Variants in SAMD4A observed in about 807,000 individuals in gnomAD.
SAMD4A encodes sterile alpha motif domain containing 4A.
Under a neutral mutation model 81.3 loss-of-function variants are expected in SAMD4A, and 33 were observed. The ratio of observed to expected loss-of-function variants is 0.41; its 90% CI spans 0.31 to 0.54. The LOEUF (loss-of-function observed/expected upper bound fraction) is 0.54, where lower values mean the gene tolerates loss of function less well. Among genes scored for constraint, SAMD4A ranks in the 20% least tolerant of loss-of-function variants. The pLI, the probability that SAMD4A is intolerant of heterozygous loss-of-function variation, is 0.37. For synonymous variants in SAMD4A, 389 were observed against 382.1 expected, an observed-to-expected ratio of 1.02 and a Z score of -0.21; for missense variants, 854 against 951.1, an observed-to-expected ratio of 0.90 and a Z score of 1.34.
intron 2 of SAMD4A, chr14:54,694,540 A>G (rs938306047): frequency 2.7e-6 from 2 of 734,742 alleles, no homozygotes; most frequent in African/African-American, 3.8e-5. Flanking sequence ...GTGAGCATGG[A>G]GAGGGTGCAG....
intron 2 of SAMD4A, among the ~76,000 whole-genome samples, chr14:54,669,095 G>A (rs557426841): frequency 7.9e-5 from 12 of 152,248 alleles, no homozygotes; most frequent in Non-Finnish European, 1.8e-4. Flanking sequence ...CCATTCGTGG[G>A]AGAAGGAGGC....
At chr14:54,725,459 A>G (rs892156596) in intron 3 of SAMD4A, among the ~76,000 whole-genome samples, 3 of 152,252 alleles carry the variant, frequency 2.0e-5, no homozygotes, top group Non-Finnish European at 4.4e-5. Flanking sequence ...TGAAAGAGCA[A>G]GGTGAAGTTT....
rs1275226410 is a variant in SAMD4A, at chr14:54,735,679, GAC to G, written c.716-1340_716-1339del. Among the ~76,000 whole-genome samples the G allele has an allele frequency of 2.0e-5, 3 of 152,170 alleles. No homozygotes were observed. In the East Asian group the frequency reaches 5.8e-4, roughly 29 times the overall value. ...GCTTACCCAGCCCACTACTGCCCCA[GAC>G]ACACTTTCTGGAAACATCCAGCCTT... On this transcript the variant is annotated intron_variant, in intron 3 of 12. Coordinates refer to ENST00000554335, the MANE Select transcript of SAMD4A (RefSeq NM_015589.6).
chr14:54,596,540 A>G (rs889331349), intron 2 of SAMD4A, among the ~76,000 whole-genome samples: 1 of 152,218 alleles, frequency 6.6e-6, no homozygotes, highest in African/African-American at 2.4e-5. Context: ...AGCCGAGATC[A>G]TGCCACTGCA....
At chr14:54,672,064 G>T (rs2035896170) in intron 2 of SAMD4A, among the ~76,000 whole-genome samples, 2 of 131,380 alleles carry the variant, frequency 1.5e-5, no homozygotes, top group African/African-American at 5.7e-5. Flanking sequence ...CAGCCATTCT[G>T]CTTTGGAATT....
intron 2 of SAMD4A, among the ~76,000 whole-genome samples, chr14:54,695,486 A>G (rs1302265458): frequency 6.6e-6 from 1 of 152,246 alleles, no homozygotes; most frequent in African/African-American, 2.4e-5. Flanking sequence ...CAAGACAGCA[A>G]GGTAGAAGCT....
At chr14:54,577,516 G>T (rs2033337526) in intron 2 of SAMD4A, among the ~76,000 whole-genome samples, 1 of 152,210 alleles carries the variant, frequency 6.6e-6, no homozygotes, top group African/African-American at 2.4e-5. Flanking sequence ...CCCTACATTG[G>T]CATCCCCTAA....
At chr14:54,768,953 G>A (rs2038630982) in intron 8 of SAMD4A, among the ~76,000 whole-genome samples, 1 of 152,132 alleles carries the variant, frequency 6.6e-6, no homozygotes, top group South Asian at 2.1e-4. Context: ...TTTCCTTTAT[G>A]GGAACTAGTC....
rs34133393 is a variant in SAMD4A at position 54,737,708 on chromosome 14, AT to A, written c.979+432del. Among the ~76,000 whole-genome samples, 318 of 147,924 alleles carry A rather than the reference AT, an allele frequency of 2.1e-3. 2 individuals are homozygous for A. Among genetic ancestry groups the A allele is most frequent in the African/African-American group, 6.7e-3 (268 of 40,266 alleles). On this transcript the variant is annotated intron_variant, in intron 4 of 12. Coordinates refer to ENST00000554335, the MANE Select transcript of SAMD4A (RefSeq NM_015589.6). ...GTAATTCAGAAAAACAAACCACGGG[AT>A]TTTTTTTTTTCCTTTATAAGTCTAT... is the stretch of plus-strand genomic sequence containing the variant.
chr14:54,630,816 T>C (rs1428784497), intron 2 of SAMD4A, among the ~76,000 whole-genome samples: 1 of 152,110 alleles, frequency 6.6e-6, no homozygotes, highest in African/African-American at 2.4e-5. Context: ...TGTATGCATA[T>C]ATGTGTATAT....
intron 2 of SAMD4A, among the ~76,000 whole-genome samples, chr14:54,660,647 G>T (rs899168773): frequency 6.6e-6 from 1 of 152,238 alleles, no homozygotes. Flanking sequence ...CTGTGCTCTG[G>T]ATGGAAGGAC....
At chr14:54,578,526 C>T (rs368759076) in intron 2 of SAMD4A, among the ~76,000 whole-genome samples, 71 of 151,820 alleles carry the variant, frequency 4.7e-4, no homozygotes, top group African/African-American at 1.5e-3. Context: ...GCTTGGCCAA[C>T]GTGGCGAAAC....
At chr14:54,604,737 C>G (rs971534692) in intron 2 of SAMD4A, among the ~76,000 whole-genome samples, 2 of 152,062 alleles carry the variant, frequency 1.3e-5, no homozygotes, top group African/African-American at 4.8e-5. Context: ...CACTTCTGAT[C>G]TTTTTAAAAT....
chr14:54,776,233 C>T (rs764459660), intron 10 of SAMD4A, among the ~76,000 whole-genome samples, 181 bp from the exon 11 acceptor site: 4 of 152,146 alleles, frequency 2.6e-5, no homozygotes, highest in Non-Finnish European at 4.4e-5. Context: ...AGAGAAATTA[C>T]AGTGAATGGA....
chr14:54,774,523 G>C (rs2038785978), intron 9 of SAMD4A, among the ~76,000 whole-genome samples: 1 of 152,042 alleles, frequency 6.6e-6, no homozygotes, highest in South Asian at 2.1e-4. Context: ...GGGCAACATG[G>C]TAGACCCTGT....
At position 54,660,928 on chromosome 14, in the gene SAMD4A, C is replaced by T. The variant is rs75615318; in HGVS notation, c.197-41134C>T. 1.6e-3 allele frequency among the ~76,000 whole-genome samples: 244 copies of T among 152,302 alleles called. 3 individuals carry two copies. Among genetic ancestry groups the T allele is most frequent in the Admixed American group, 3.0e-3 (46 of 15,296 alleles). The stretch of plus-strand genomic sequence containing the variant: ...CATTGCATTGAGAGCTCAGGGAAGC[C>T]AGTTAATCATACACTATTCAGGCAT... On this transcript the variant is annotated intron_variant, in intron 2 of 12. Transcript: ENST00000554335.
intron 2 of SAMD4A, among the ~76,000 whole-genome samples, chr14:54,696,108 G>T (rs2036572236): frequency 6.6e-6 from 1 of 152,094 alleles, no homozygotes; most frequent in African/African-American, 2.4e-5. Context: ...ACCACTAGCA[G>T]GGCTCCCACC....
chr14:54,743,434 C>G (rs907931427), intron 4 of SAMD4A, among the ~76,000 whole-genome samples: 2 of 152,322 alleles, frequency 1.3e-5, no homozygotes, highest in Admixed American at 6.5e-5. Flanking sequence ...TCAGGATTCC[C>G]CCAAATTCGA....
chr14:54,685,545 T>C (rs569793113), intron 2 of SAMD4A: 2 of 374,608 alleles, frequency 5.3e-6, no homozygotes, highest in Admixed American at 3.3e-5. Context: ...GACTTGTGAA[T>C]AATGCTACTG....
Sources: allele counts gnomAD v4.1 joint callset (sites outside exome capture counted in the v4.1 genomes callset), GRCh38; gene constraint gnomAD v4.1.1; transcripts MANE v1.5; gene names NCBI Gene and HGNC (gene_info 2026-07-23, HGNC 2026-07-21).